The following FREM1 variants were observed in gnomAD, a reference collection of about 807,000 sequenced individuals.
FREM1 encodes FRAS1 related extracellular matrix 1.
Under a neutral mutation model 210.1 loss-of-function variants are expected in FREM1, and 220 were observed. The observed-to-expected ratio is 1.05, with a 90% CI of 0.94 to 1.17. FREM1 has a LOEUF of 1.17. Among genes scored for constraint, FREM1 ranks in the 50% most tolerant of loss-of-function variants. The pLI is 0.00. For missense variants in FREM1, 3,454 were observed against 2,675.5 expected (o/e 1.29, Z -6.42); for synonymous variants, 1,189 against 980.2 (o/e 1.21, Z -3.98).
chr9:14,871,757 A>G (rs138649506), intron 1 of FREM1, among the ~76,000 whole-genome samples: 5,472 of 152,204 alleles, frequency 0.036, 332 homozygotes, highest in African/African-American at 0.12. Flanking sequence ...GGTAATACCT[A>G]GGTTTTCTTC....
upstream of FREM1, among the ~76,000 whole-genome samples, chr9:14,910,593 T>C (rs781421184): frequency 2.6e-5 from 4 of 151,828 alleles, no homozygotes; most frequent in African/African-American, 7.3e-5. Context: ...ACAAACACGA[T>C]AGACACACAA....
At chr9:14,740,883 A>G (rs1454114105) in intron 35 of FREM1, among the ~76,000 whole-genome samples, 3 of 152,170 alleles carry the variant, frequency 2.0e-5, no homozygotes, top group Non-Finnish European at 4.4e-5. Flanking sequence ...TATTCCTAGA[A>G]GCGATATTTG....
At chr9:14,775,699 C>G (rs1848426591) in intron 25 of FREM1, 90 bp downstream of exon 25, 3 of 789,022 alleles carry the variant, frequency 3.8e-6, no homozygotes, top group Non-Finnish European at 5.8e-6. Context: ...CAGAGAGAGA[C>G]TCCCTCTCAA....
chr9:14,874,363 CAT>C (rs1453425415), intron 1 of FREM1, among the ~76,000 whole-genome samples: 2 of 150,558 alleles, frequency 1.3e-5, no homozygotes, highest in Non-Finnish European at 3.0e-5. Context: ...GTATTGGGTG[CAT>C]ATATATTTAG....
chr9:14,885,339 G>C (rs1222167034), intron 1 of FREM1, among the ~76,000 whole-genome samples: 3 of 152,090 alleles, frequency 2.0e-5, no homozygotes, highest in Non-Finnish European at 4.4e-5. Context: ...ATTACCCCTT[G>C]ACTCACACAA....
At chr9:14,775,299 A>T (rs1217994998) in intron 25 of FREM1, among the ~76,000 whole-genome samples, 1 of 152,170 alleles carries the variant, frequency 6.6e-6, no homozygotes, top group Non-Finnish European at 1.5e-5. Flanking sequence ...ATCAACACTC[A>T]CGGTCAGTCA....
At chr9:14,895,173 C>T (rs775206361) in intron 1 of FREM1, among the ~76,000 whole-genome samples, 96 of 152,282 alleles carry the variant, frequency 6.3e-4, no homozygotes, top group African/African-American at 1.6e-3. Flanking sequence ...AGATTCCTTA[C>T]GGAACAGAGT....
At chr9:14,849,507 A>G (rs531409069) in intron 6 of FREM1, among the ~76,000 whole-genome samples, 1 of 152,222 alleles carries the variant, frequency 6.6e-6, no homozygotes, top group Non-Finnish European at 1.5e-5. Flanking sequence ...ATAACACAGA[A>G]ATGCAAGGCA....
chr9:14,747,775 T>A (rs1306233735), intron 31 of FREM1, 47 bp from the exon 32 acceptor site: 2 of 1,129,394 alleles, frequency 1.8e-6, no homozygotes, highest in East Asian at 5.3e-5. Flanking sequence ...GATTGACTAA[T>A]AACTAGCAAT....
At chr9:14,780,893 A>G (rs1300362163) in intron 24 of FREM1, among the ~76,000 whole-genome samples, 1 of 152,246 alleles carries the variant, frequency 6.6e-6, no homozygotes, top group Non-Finnish European at 1.5e-5. Flanking sequence ...GACAAACAAC[A>G]TAGCAGTCCG....
At chr9:14,853,143 G>A (rs1455389654) in intron 5 of FREM1, among the ~76,000 whole-genome samples, 2 of 152,198 alleles carry the variant, frequency 1.3e-5, no homozygotes, top group African/African-American at 2.4e-5. Flanking sequence ...TGTGTTTCTT[G>A]CAGTTGAAAC....
In FREM1 at chr9:14,813,073, T is replaced by C. The variant is rs760643794; in HGVS notation, c.2641-9A>G. 3 of 1,585,424 alleles carry C rather than the reference T, an allele frequency of 1.9e-6. No homozygotes were observed. Among genetic ancestry groups the C allele is most frequent in the Non-Finnish European group, 2.6e-6 (3 of 1,163,306 alleles). The stretch of plus-strand genomic sequence containing the variant: ...TCGTTGACAGGGAATACCTAGGCAA[T>C]GGAAAAAATGCATGTTTTCAGAAAA... On this transcript the variant is annotated splice_polypyrimidine_tract_variant and intron_variant, in intron 15 of 36. Coordinates refer to ENST00000380880, the MANE Select transcript of FREM1 (RefSeq NM_001379081.2).
chr9:14,857,780 C>T (rs373860960), intron 4 of FREM1, 31 bp from the exon 5 acceptor site: 5 of 1,486,340 alleles, frequency 3.4e-6, no homozygotes, highest in African/African-American at 1.4e-5. Context: ...TTAAGAGAGT[C>T]ACTTAAACAT....
At chr9:14,901,351 C>T (rs1206652765) in intron 1 of FREM1, among the ~76,000 whole-genome samples, 1 of 152,114 alleles carries the variant, frequency 6.6e-6, no homozygotes, top group Admixed American at 6.5e-5. Flanking sequence ...CCTCTGTGTT[C>T]CTAATGTGTC....
Position 14,860,696 on chromosome 9 carries a change from C to CACATAT in FREM1, c.330-1218_330-1213dup, listed in dbSNP as rs1564100396. 8.3e-5 allele frequency among the ~76,000 whole-genome samples: 9 copies of CACATAT among 108,230 alleles called. No individual in the cohort carries two copies. The East Asian group carries it at 2.5e-3, about 30-fold the overall frequency. The allele number at this position is 108,230 out of a possible 152,430, so 71.0% of individuals were successfully genotyped here. A position where few individuals can be genotyped will look rare whatever the true frequency, so the allele number is the denominator to read the frequency against. On this transcript the variant is annotated intron_variant, in intron 3 of 36. Coordinates refer to ENST00000380880, the MANE Select transcript of FREM1 (RefSeq NM_001379081.2). ...ACACACATATATACACATATATACA[C>CACATAT]ACATATATACACACATATATACACA...
intron 5 of FREM1, among the ~76,000 whole-genome samples, chr9:14,856,149 A>C (rs1828691849): frequency 6.6e-6 from 1 of 152,204 alleles, no homozygotes; most frequent in Non-Finnish European, 1.5e-5. Flanking sequence ...TCAAGCACAT[A>C]ATAAGTATTT....
At chr9:14,754,873 G>C (rs1314412183) in intron 29 of FREM1, among the ~76,000 whole-genome samples, 2 of 152,186 alleles carry the variant, frequency 1.3e-5, no homozygotes, top group Admixed American at 1.3e-4. Flanking sequence ...GGCAGAGGTT[G>C]CAGTGAGCTG....
rs1825834628 is a variant in FREM1, at chr9:14,842,338, C to A, written c.1716G>T (p.Lys572Asn). Residue 572 changes from lysine to asparagine, a missense_variant, in exon 9 of 37, where the codon AAG becomes AAT. Transcript: ENST00000380880. ...TKPPQAGEIMKKPGPGLIGYP... is the reference protein window; with the variant it reads ...TKPPQAGEIMNKPGPGLIGYP... ...TACCTATCAGTCCTGGCCCTGGCTT[C>A]TTCATGATCTCCCCAGCCTGTGGAG... The A allele has an allele frequency of 6.3e-7, 1 of 1,592,510 alleles. No homozygotes were observed. The highest frequency in any genetic ancestry group is 8.6e-7 in the Non-Finnish European group (1 of 1,168,128).
At chr9:14,895,282 T>C (rs10961774) in intron 1 of FREM1, among the ~76,000 whole-genome samples, 12,817 of 152,264 alleles carry the variant, frequency 0.084, 1,110 homozygotes, top group African/African-American at 0.22. Flanking sequence ...AAATCGGTCT[T>C]ACCATGACTT....
Sources: gnomAD v4.1 joint callset for allele counts (sites outside exome capture counted in the v4.1 genomes callset) on GRCh38, gnomAD v4.1.1 for gene constraint, MANE v1.5 for transcripts, NCBI Gene and HGNC (gene_info 2026-07-23, HGNC 2026-07-21) for gene names.